Variants in SCHIP1 observed in about 807,000 individuals in gnomAD.
The protein encoded by SCHIP1 is schwannomin interacting protein 1, also known as schwannomin-interacting protein 1.
SCHIP1 carries 8 observed loss-of-function variants against 29.7 expected under a neutral mutation model. The observed-to-expected ratio is 0.27, with a 90% confidence interval of 0.16 to 0.49. SCHIP1 has a LOEUF of 0.49. Among genes scored for constraint, SCHIP1 ranks in the 20% least tolerant of loss-of-function variants. SCHIP1 has a pLI of 0.99. For synonymous variants in SCHIP1, 76 were observed against 94.9 expected, an observed-to-expected ratio of 0.80 and a Z score of 1.16; for missense variants, 193 against 294.6, an observed-to-expected ratio of 0.66 and a Z score of 2.52.
the SCHIP1 span, among the ~76,000 whole-genome samples, chr3:159,773,856 G>A: frequency 6.6e-6 from 1 of 152,214 alleles, no homozygotes; most frequent in Non-Finnish European, 1.5e-5. Flanking sequence ...TCTATCTAAA[G>A]AGTACCCTCC....
At chr3:159,745,501 A>G in the SCHIP1 span, among the ~76,000 whole-genome samples, 1 of 152,220 alleles carries the variant, frequency 6.6e-6, no homozygotes, top group Non-Finnish European at 1.5e-5. Context: ...AGTAATTGGA[A>G]TCTCTTTTAA....
the SCHIP1 span, among the ~76,000 whole-genome samples, chr3:159,303,698 A>G: frequency 1.3e-5 from 2 of 152,178 alleles, no homozygotes; most frequent in South Asian, 2.1e-4. Flanking sequence ...CAGGTGTCCA[A>G]CAAGAGGATT....
the SCHIP1 span, among the ~76,000 whole-genome samples, chr3:159,464,183 C>T: frequency 6.6e-6 from 1 of 152,134 alleles, no homozygotes; most frequent in East Asian, 1.9e-4. Context: ...CAGGAACCAG[C>T]TGCTTATATT....
chr3:159,380,820 C>T, the SCHIP1 span, among the ~76,000 whole-genome samples: 3 of 152,156 alleles, frequency 2.0e-5, no homozygotes, highest in East Asian at 3.9e-4. Flanking sequence ...ATTCAAATAC[C>T]GTATGGTCTG....
chr3:159,314,038 T>A, the SCHIP1 span, among the ~76,000 whole-genome samples: 1 of 152,212 alleles, frequency 6.6e-6, no homozygotes, highest in East Asian at 1.9e-4. Context: ...TTTGTTCACT[T>A]GTATAAAGTG....
intron 2 of SCHIP1, among the ~76,000 whole-genome samples, chr3:159,878,693 G>A (rs1364220566): frequency 1.3e-5 from 2 of 148,604 alleles, no homozygotes; most frequent in Non-Finnish European, 3.0e-5. Context: ...CAGGAGAATG[G>A]CATGAACCCG....
upstream of SCHIP1, among the ~76,000 whole-genome samples, chr3:159,838,746 T>C (rs1444976283): frequency 6.6e-6 from 1 of 151,682 alleles, no homozygotes; most frequent in Non-Finnish European, 1.5e-5. Flanking sequence ...ATAAAAAAAT[T>C]AGCCGGGCAT....
the SCHIP1 span, among the ~76,000 whole-genome samples, chr3:159,406,361 T>C: frequency 0.027 from 4,132 of 152,254 alleles, 75 homozygotes; most frequent in East Asian, 0.11. Context: ...CAAAAACTTT[T>C]ATCCTAGAAT....
the SCHIP1 span, among the ~76,000 whole-genome samples, chr3:159,795,161 T>C: frequency 1.3e-5 from 2 of 152,276 alleles, no homozygotes; most frequent in African/African-American, 2.4e-5. Context: ...CTCCAATTCT[T>C]CTGCTAAACA....
the SCHIP1 span, among the ~76,000 whole-genome samples, chr3:159,593,554 T>C: frequency 1.3e-5 from 2 of 152,152 alleles, no homozygotes; most frequent in Non-Finnish European, 2.9e-5. Flanking sequence ...GTAATGCCCC[T>C]TCTGGTGAGA....
chr3:159,892,304 A>C, intron 6 of SCHIP1, 114 bp downstream of exon 7: 52 of 1,225,762 alleles, frequency 4.2e-5, no homozygotes, highest in Non-Finnish European at 5.7e-5. Context: ...TAAATAACTC[A>C]CCTAGCCTTT....
chr3:159,622,420 T>C, the SCHIP1 span, among the ~76,000 whole-genome samples: 2 of 105,452 alleles, frequency 1.9e-5, no homozygotes, highest in African/African-American at 5.3e-5. Context: ...ATGCTATTTG[T>C]TTCTGATGAA....
the SCHIP1 span, among the ~76,000 whole-genome samples, chr3:159,403,496 G>A: frequency 6.6e-6 from 1 of 152,214 alleles, no homozygotes; most frequent in Non-Finnish European, 1.5e-5. Flanking sequence ...AAGAGAGAGT[G>A]CAGTGATTGA....
chr3:159,617,808 T>C, the SCHIP1 span, among the ~76,000 whole-genome samples: 1 of 152,336 alleles, frequency 6.6e-6, no homozygotes, highest in South Asian at 2.1e-4. Context: ...AAATTTTCTA[T>C]GCATTTTCTT....
At chr3:159,667,048 T>G in the SCHIP1 span, among the ~76,000 whole-genome samples, 1 of 152,242 alleles carries the variant, frequency 6.6e-6, no homozygotes, top group African/African-American at 2.4e-5. Context: ...GGCAATGATG[T>G]GTGTGTTAAC....
At chr3:159,838,743 A>C (rs939456949), upstream of SCHIP1, among the ~76,000 whole-genome samples, 1 of 151,962 alleles carries the variant, frequency 6.6e-6, no homozygotes. Context: ...AATATAAAAA[A>C]ATTAGCCGGG....
chr3:159,761,841 A>G, the SCHIP1 span, among the ~76,000 whole-genome samples: 1 of 152,174 alleles, frequency 6.6e-6, no homozygotes, highest in Admixed American at 6.5e-5. Context: ...AACATGGACC[A>G]TCTGGGCAAC....
At chr3:159,762,394 C>G in the SCHIP1 span, among the ~76,000 whole-genome samples, 6 of 152,142 alleles carry the variant, frequency 3.9e-5, no homozygotes, top group African/African-American at 1.2e-4. Context: ...AAAAGGATCT[C>G]AGCACCACAT....
chr3:159,792,049 C>G, the SCHIP1 span, among the ~76,000 whole-genome samples: 1 of 152,062 alleles, frequency 6.6e-6, no homozygotes, highest in African/African-American at 2.4e-5. Flanking sequence ...GTGTGTCTAT[C>G]TTGGGCCTAG....
Sources: gnomAD v4.1 joint callset for allele counts (sites outside exome capture counted in the v4.1 genomes callset) on GRCh38, gnomAD v4.1.1 for gene constraint, MANE v1.5 for transcripts, NCBI Gene and HGNC (gene_info 2026-07-23, HGNC 2026-07-21) for gene names.